Variants in ANP32E observed in about 807,000 individuals in gnomAD.
ANP32E encodes the protein acidic nuclear phosphoprotein 32 family member E.
Under a neutral mutation model 35.3 loss-of-function variants are expected in ANP32E, and 14 were observed. The ratio of observed to expected loss-of-function variants is 0.40; its 90% CI spans 0.26 to 0.62. The LOEUF (loss-of-function observed/expected upper bound fraction) is 0.62, where lower values mean the gene tolerates loss of function less well. Ranked by LOEUF, ANP32E falls within the 20% of genes least tolerant of loss-of-function variation. The probability of loss-of-function intolerance (pLI) is 0.45; values close to 1 mark genes in which losing one functional copy is unlikely to be tolerated. For missense variants in ANP32E, 198 were observed against 304.4 expected (o/e 0.65, Z 2.60); for synonymous variants, 89 against 110.4 (o/e 0.81, Z 1.22).
At chr1:150,226,483 G>A in intron 5 of ANP32E, 125 bp downstream of exon 5, 11 of 1,090,894 alleles carry the variant, frequency 1.0e-5, no homozygotes, top group Non-Finnish European at 1.4e-5. Context: ...AAAGACAGGT[G>A]GATAGACATA....
At chr1:150,223,140 A>G in intron 6 of ANP32E, 46 bp downstream of exon 6, 1 of 1,470,422 alleles carries the variant, frequency 6.8e-7, no homozygotes, top group Non-Finnish European at 9.2e-7. Flanking sequence ...ATAAAAAATG[A>G]CTATGTCTTT....
At chr1:150,221,803 A>G (rs1259862537) in intron 6 of ANP32E, among the ~76,000 whole-genome samples, 8 of 152,176 alleles carry the variant, frequency 5.3e-5, no homozygotes, top group Non-Finnish European at 1.2e-4. Flanking sequence ...TAAATTTTAA[A>G]AATTATTTTG....
intron 4 of ANP32E, among the ~76,000 whole-genome samples, chr1:150,228,697 TAAA>T (rs782529457): frequency 1.1e-4 from 16 of 142,696 alleles, no homozygotes; most frequent in African/African-American, 4.1e-4. Context: ...CCTCTCAACA[TAAA>T]AAAAAAAAAA....
intron 5 of ANP32E, among the ~76,000 whole-genome samples, chr1:150,224,037 A>G (rs1045395098): frequency 6.6e-6 from 1 of 152,090 alleles, no homozygotes; most frequent in Non-Finnish European, 1.5e-5. Flanking sequence ...GAGCCACTGC[A>G]CCCGGCCAAC....
intron 4 of ANP32E, among the ~76,000 whole-genome samples, chr1:150,228,532 A>T (rs1264469128): frequency 6.6e-6 from 1 of 152,092 alleles, no homozygotes; most frequent in Non-Finnish European, 1.5e-5. Context: ...TCTACTAAAA[A>T]TACAAAAAAA....
rs999237750 is a variant in ANP32E at position 150,229,385 on chromosome 1, C to A, written c.328-148G>T. ...CGATCTCTGCTCACTGCAACCTCCGCCTCCCGGGTTCAAGCGATTCTCTTG... is the reference window on the plus strand; with the variant it reads ...CGATCTCTGCTCACTGCAACCTCCGACTCCCGGGTTCAAGCGATTCTCTTG... On this transcript the variant is annotated intron_variant, in intron 3 of 6. Coordinates refer to ENST00000583931, the MANE Select transcript of ANP32E (RefSeq NM_030920.5). 1.1e-5 allele frequency: 6 copies of A among 554,936 alleles called. No individual in the cohort carries two copies. The African/African-American group carries it at 1.2e-4, about 11-fold the overall frequency. 34.4% of individuals were successfully genotyped at this position (554,936 alleles called of 1,614,324 possible).
chr1:150,231,697 A>G (rs1376665657), intron 2 of ANP32E, 80 bp downstream of exon 2: 1 of 1,267,984 alleles, frequency 7.9e-7, no homozygotes, highest in Non-Finnish European at 1.0e-6. Flanking sequence ...AACAAGCAGA[A>G]TGGTCATTCC....
At chr1:150,232,415 C>G (rs147406013) in intron 1 of ANP32E, among the ~76,000 whole-genome samples, 1 of 150,934 alleles carries the variant, frequency 6.6e-6, no homozygotes, top group African/African-American at 2.4e-5. Flanking sequence ...TCATTTCCCC[C>G]CAAAACTGAT....
intron 5 of ANP32E, among the ~76,000 whole-genome samples, chr1:150,225,968 C>G (rs1379811492): frequency 1.3e-5 from 2 of 150,830 alleles, no homozygotes; most frequent in Non-Finnish European, 2.9e-5. Context: ...ACATAGATTA[C>G]CTTGTTAAAT....
Position 150,220,536 on chromosome 1 carries a change from T to C in ANP32E, c.*155A>G. ...ATGATCATTAACAGACTAGTTCTTA[T>C]TTGGAATGATAAGGCAAAAATAGTA... On this transcript the variant is annotated 3_prime_UTR_variant, in exon 7 of 7. Transcript: ENST00000583931. The C allele has an allele frequency of 1.5e-6, 1 of 687,532 alleles. No individual in the cohort carries two copies. The allele number at this position is 687,532 out of a possible 1,614,324, so 42.6% of individuals were successfully genotyped here.
Position 150,235,873 on chromosome 1 carries a change from A to T in ANP32E, c.-87T>A, listed in dbSNP as rs377676579. 262 of 942,390 alleles carry T rather than the reference A, an allele frequency of 2.8e-4. 2 individuals are homozygous for T. The South Asian group carries it at 3.0e-3, about 11-fold the overall frequency. 58.4% of individuals were successfully genotyped at this position (942,390 alleles called of 1,614,324 possible). On this transcript the variant is annotated 5_prime_UTR_variant, in exon 1 of 7. Coordinates refer to ENST00000583931, the MANE Select transcript of ANP32E (RefSeq NM_030920.5). The surrounding 1 kb of genome is among the most constrained non-coding windows in gnomAD (Gnocchi z 4.2). ...CCAACCCAAAATTTTTAAGAGATTT[A>T]GAAATGAATGAAAAGGAACGCAAAT...
At chr1:150,228,600 G>A (rs1411098257) in intron 4 of ANP32E, among the ~76,000 whole-genome samples, 3 of 151,756 alleles carry the variant, frequency 2.0e-5, no homozygotes, top group African/African-American at 7.3e-5. Flanking sequence ...GCTGAGGCAG[G>A]AGAACTGCTT....
At chr1:150,223,785 GC>G (rs1648644231) in intron 5 of ANP32E, among the ~76,000 whole-genome samples, 1 of 123,758 alleles carries the variant, frequency 8.1e-6, no homozygotes, top group Non-Finnish European at 1.6e-5. Flanking sequence ...CGCTCTTGTT[GC>G]CCAGGCTGAA....
intron 5 of ANP32E, 100 bp from the exon 6 acceptor site, chr1:150,223,340 T>A (rs1648587812): frequency 1.4e-6 from 2 of 1,445,154 alleles, no homozygotes; most frequent in Non-Finnish European, 1.9e-6. Flanking sequence ...CTATGGTTAT[T>A]CTGTGTTTTG....
Position 150,219,502 on chromosome 1 carries a change from A to G in ANP32E, c.*1189T>C, listed in dbSNP as rs1572000055. The G allele has an allele frequency of 6.6e-6, 1 of 152,210 alleles. No homozygotes were observed. The highest frequency in any genetic ancestry group is 2.1e-4 in the South Asian group (1 of 4,830). 9.4% of individuals were successfully genotyped at this position (152,210 alleles called of 1,614,324 possible). A position where few individuals can be genotyped will look rare whatever the true frequency, so the allele number is the denominator to read the frequency against. ...TATATCTGTTTTAAAACTGGGAATT[A>G]AAGGTTAGAAATACTTTGCAGAGTG... is the stretch of plus-strand genomic sequence containing the variant. On this transcript the variant is annotated 3_prime_UTR_variant, in exon 7 of 7. Coordinates refer to ENST00000583931, the MANE Select transcript of ANP32E (RefSeq NM_030920.5).
intron 3 of ANP32E, 21 bp from the exon 4 acceptor site, chr1:150,229,258 CT>C: frequency 1.6e-6 from 2 of 1,245,714 alleles, no homozygotes; most frequent in African/African-American, 1.5e-5. Flanking sequence ...AAAGTTAAAA[CT>C]TACATTCAAG....
chr1:150,229,608 C>T (rs187545153), intron 3 of ANP32E, among the ~76,000 whole-genome samples: 19 of 152,164 alleles, frequency 1.2e-4, no homozygotes, highest in East Asian at 1.9e-4. Context: ...CCTCCCGAGT[C>T]GCTGGGATTA....
At position 150,226,764 on chromosome 1, in the gene ANP32E, T is replaced by C. The variant is rs1424268343; in HGVS notation, c.525A>G (p.Glu175=). 1.2e-6 allele frequency: 2 copies of C among 1,602,060 alleles called. No individual in the cohort carries two copies. The highest frequency in any genetic ancestry group is 2.7e-5 in the African/African-American group (2 of 74,600). The part of the protein sequence containing the change: ...DGDEDDEEEE[E]NEAGPPEGYE... Reference sequence around the variant, plus strand: ...ATCCTTCCGGTGGACCAGCTTCATTTTCCTCTTCCTCTTCATCATCTTCAT... The same window carrying C: ...ATCCTTCCGGTGGACCAGCTTCATTCTCCTCTTCCTCTTCATCATCTTCAT... Residue 175 remains glutamate, a synonymous_variant, in exon 5 of 7, where the codon GAA becomes GAG. Transcript: ENST00000583931.
intron 1 of ANP32E, among the ~76,000 whole-genome samples, chr1:150,232,489 T>TTTTTTTTTTTTTTTTTTTTTTTTTTTTG (rs1477799667): frequency 8.0e-6 from 1 of 125,298 alleles, no homozygotes; most frequent in African/African-American, 3.0e-5. Context: ...TTTTTTTTTG[T>TTTTTTTTTTTTTTTTTTTTTTTTTTTTG]AGATGGAGTC....
Sources: allele counts gnomAD v4.1 joint callset (sites outside exome capture counted in the v4.1 genomes callset), GRCh38; gene constraint gnomAD v4.1.1; non-coding constraint Gnocchi (gnomAD v3.1); transcripts MANE v1.5; gene names NCBI Gene and HGNC (gene_info 2026-07-23, HGNC 2026-07-21).